TRAPPC13: variants seen among roughly 807,000 people sequenced by gnomAD.
TRAPPC13 encodes the protein trafficking protein particle complex subunit 13, also known as REV7-interacting novel NHEJ regulator 1.
A neutral mutation model predicts 54.0 loss-of-function variants in TRAPPC13; 39 were observed. That is an observed-to-expected ratio of 0.72 (90% CI 0.56 to 0.94). The LOEUF (loss-of-function observed/expected upper bound fraction) is 0.94. Among genes scored for constraint, TRAPPC13 ranks in the 40% least tolerant of loss-of-function variants. The probability of loss-of-function intolerance (pLI) is 0.00; values close to 1 mark genes in which losing one functional copy is unlikely to be tolerated. For synonymous variants in TRAPPC13, 148 were observed against 167.7 expected (o/e 0.88, Z 0.91); for missense variants, 386 against 488.1 (o/e 0.79, Z 1.97).
intron 6 of TRAPPC13, among the ~76,000 whole-genome samples, chr5:65,651,212 G>C (rs954827560): frequency 6.6e-6 from 1 of 152,136 alleles, no homozygotes; most frequent in African/African-American, 2.4e-5. Flanking sequence ...CTTGAGGCCA[G>C]TTCAAGATAG....
intron 1 of TRAPPC13, among the ~76,000 whole-genome samples, chr5:65,627,427 C>T (rs545561970): frequency 1.6e-4 from 24 of 151,858 alleles, no homozygotes; most frequent in African/African-American, 2.7e-4. Flanking sequence ...ATCAGGAGTT[C>T]GAGACCAGCC....
Position 65,647,183 on chromosome 5 carries a change from G to A in TRAPPC13, c.428+1G>A, listed in dbSNP as rs1390813905. 6.4e-7 allele frequency: 1 copy of A among 1,574,194 alleles called. No homozygotes were observed. The highest frequency in any genetic ancestry group is 8.6e-7 in the Non-Finnish European group (1 of 1,161,464). On this transcript the variant is annotated splice_donor_variant, in intron 5 of 12. Coordinates refer to ENST00000399438, the MANE Select transcript of TRAPPC13 (RefSeq NM_024941.4). LOFTEE classifies it high-confidence loss of function. The stretch of plus-strand genomic sequence containing the variant: ...AAGTCAAAGAAATTGGAACACACAT[G>A]TAAGGATTAATTTTATTAGTTCTCA...
chr5:65,652,007 G>A (rs1286203757), intron 6 of TRAPPC13, among the ~76,000 whole-genome samples: 1 of 151,674 alleles, frequency 6.6e-6, no homozygotes, highest in Non-Finnish European at 1.5e-5. Flanking sequence ...GGGATTACAG[G>A]CACCCGCCAC....
chr5:65,655,075 TAA>T (rs1460665012), intron 7 of TRAPPC13, among the ~76,000 whole-genome samples: 3 of 152,152 alleles, frequency 2.0e-5, no homozygotes, highest in African/African-American at 7.2e-5. Context: ...AAGAAATATA[TAA>T]GTTTTAAAAA....
intron 9 of TRAPPC13, 131 bp downstream of exon 9, chr5:65,658,632 A>G (rs1756736416): frequency 1.5e-6 from 1 of 689,062 alleles, no homozygotes. Context: ...AGAAAAATTC[A>G]TCAGAAAGTA....
chr5:65,634,719 C>T (rs892783670), intron 1 of TRAPPC13, among the ~76,000 whole-genome samples: 5 of 146,110 alleles, frequency 3.4e-5, no homozygotes, highest in African/African-American at 1.3e-4. Flanking sequence ...GGTGAAACCC[C>T]GTCTCTACTA....
rs146672885 is a variant in TRAPPC13 at position 65,658,732 on chromosome 5, T to G, written c.698+231T>G. Among the ~76,000 whole-genome samples, 873 of 151,654 alleles carry G rather than the reference T, an allele frequency of 5.8e-3. 7 individuals carry two copies. The highest frequency in any genetic ancestry group is 0.02 in the African/African-American group (841 of 41,446). ...TTTATTTTTATTTTTATTTATTTAT[T>G]TATTTATTTATTTTTTGAAAGAGTC... On this transcript the variant is annotated intron_variant, in intron 9 of 12. Transcript: ENST00000399438.
At position 65,660,868 on chromosome 5, in the gene TRAPPC13, A is replaced by G; in HGVS notation, c.868A>G (p.Arg290Gly). 6.2e-7 allele frequency: 1 copy of G among 1,612,988 alleles called. No individual in the cohort carries two copies. Among genetic ancestry groups the G allele is most frequent in the African/African-American group, 1.3e-5 (1 of 75,020 alleles). Residue 290 changes from arginine to glycine, a missense_variant, in exon 10 of 13, where the codon AGG becomes GGG. Arg to Gly is a moderately radical substitution (Grantham distance 125, BLOSUM62 -2). Coordinates refer to ENST00000399438, the MANE Select transcript of TRAPPC13 (RefSeq NM_024941.4). ...VWKTNLGERG[R>G]LQTSQLQRMA... ...GAAAACAAATCTAGGTGAAAGGGGA[A>G]GGTTACAGACCAGCCAACTTCAAAG...
intron 11 of TRAPPC13, chr5:65,663,505 TAAAA>T (rs543082189): frequency 2.6e-5 from 4 of 151,990 alleles, no homozygotes; most frequent in African/African-American, 9.6e-5. Context: ...TCAATATGTC[TAAAA>T]AAAATAAAAT....
In TRAPPC13 at chr5:65,662,123, A is replaced by G. The variant is rs1199450350; in HGVS notation, c.971A>G (p.His324Arg). Residue 324 changes from histidine to arginine, a missense_variant, in exon 11 of 13, where the codon CAT becomes CGT. Physicochemically the swap from His to Arg is conservative, Grantham distance 29. Coordinates refer to ENST00000399438, the MANE Select transcript of TRAPPC13 (RefSeq NM_024941.4). ...PDTVNLEEPF[H>R]ITCKITNCSE... ...ACCGTAAACCTTGAAGAACCTTTTC[A>G]TATTACCTGTAAAATAACAAACTGC... 2.5e-6 allele frequency: 4 copies of G among 1,607,482 alleles called. No homozygotes were observed. Among genetic ancestry groups the G allele is most frequent in the African/African-American group, 2.7e-5 (2 of 74,570 alleles).
intron 3 of TRAPPC13, 93 bp from the exon 4 acceptor site, chr5:65,637,603 C>G (rs1354750369): frequency 1.5e-6 from 1 of 652,118 alleles, no homozygotes; most frequent in Admixed American, 3.3e-5. Flanking sequence ...TGCACTCCAG[C>G]CTGGGTGACA....
At chr5:65,649,036 T>C (rs1463100026) in intron 5 of TRAPPC13, among the ~76,000 whole-genome samples, 1 of 152,026 alleles carries the variant, frequency 6.6e-6, no homozygotes, top group Non-Finnish European at 1.5e-5. Flanking sequence ...GGAAACATGA[T>C]GAAATCCCAT....
intron 10 of TRAPPC13, 100 bp downstream of exon 10, chr5:65,660,997 C>G (rs1213891829): frequency 1.1e-6 from 1 of 929,056 alleles, no homozygotes; most frequent in Non-Finnish European, 1.6e-6. Flanking sequence ...AATTGGAGCA[C>G]TATAAAAGGC....
At chr5:65,630,348 C>A in intron 1 of TRAPPC13, 1 of 1,475,348 alleles carries the variant, frequency 6.8e-7, no homozygotes, top group Non-Finnish European at 9.0e-7. Context: ...TAATGAATTC[C>A]ACTGATTGTC....
In TRAPPC13 at chr5:65,649,247, A is replaced by G. The variant is rs2367742; in HGVS notation, c.429-1563A>G. Among the ~76,000 whole-genome samples the G allele has an allele frequency of 6.9e-3, 1,054 of 152,156 alleles. 15 individuals carry two copies. The highest frequency in any genetic ancestry group is 0.023 in the African/African-American group (970 of 41,522). On this transcript the variant is annotated intron_variant, in intron 5 of 12. Coordinates refer to ENST00000399438, the MANE Select transcript of TRAPPC13 (RefSeq NM_024941.4). ...AGAAACTTTTTTTTTACATGACTCC[A>G]TCTAACACAATTGTACAGTGTTTTT...
intron 9 of TRAPPC13, among the ~76,000 whole-genome samples, chr5:65,659,967 CAAAAAAAAAAAA>C (rs141876171): frequency 1.9e-4 from 18 of 95,236 alleles, no homozygotes; most frequent in East Asian, 6.9e-4. Context: ...GTATTTTAAA[CAAAAAAAAAAAA>C]AAAAAAAAAA....
chr5:65,662,044 T>C lies in TRAPPC13; in HGVS notation c.898-6T>C. 6.3e-7 allele frequency: 1 copy of C among 1,592,714 alleles called. No individual in the cohort carries two copies. The highest frequency in any genetic ancestry group is 2.3e-5 in the East Asian group (1 of 43,764). ...TATACATTAACTGTGTTGCTTGTTTTCTTAGGCTCCAGGTTATGGAGATGT... is the reference window on the plus strand; with the variant it reads ...TATACATTAACTGTGTTGCTTGTTTCCTTAGGCTCCAGGTTATGGAGATGT... On this transcript the variant is annotated splice_polypyrimidine_tract_variant and splice_region_variant and intron_variant, in intron 10 of 12. Coordinates refer to ENST00000399438, the MANE Select transcript of TRAPPC13 (RefSeq NM_024941.4).
At chr5:65,663,756 A>G (rs576816015) in intron 11 of TRAPPC13, 21 of 152,722 alleles carry the variant, frequency 1.4e-4, no homozygotes, top group African/African-American at 4.6e-4. Context: ...GCAAACCTGA[A>G]TAGTATTTAT....
At chr5:65,650,060 G>A (rs1209610482) in intron 5 of TRAPPC13, among the ~76,000 whole-genome samples, 28 of 149,506 alleles carry the variant, frequency 1.9e-4, no homozygotes, top group Non-Finnish European at 1.8e-4. Context: ...GGGTTTCATC[G>A]TGTTAGCCAG....
Sources: gnomAD v4.1 joint callset for allele counts (sites outside exome capture counted in the v4.1 genomes callset) on GRCh38, gnomAD v4.1.1 for gene constraint, MANE v1.5 for transcripts, NCBI Gene and HGNC (gene_info 2026-07-23, HGNC 2026-07-21) for gene names.